LAMA2: variants seen among roughly 807,000 people sequenced by gnomAD.
LAMA2 encodes the protein laminin subunit alpha-2.
LAMA2 carries 269 observed loss-of-function variants against 364.8 expected under a neutral mutation model. The ratio of observed to expected loss-of-function variants is 0.74; its 90% CI spans 0.67 to 0.82. LAMA2 has a LOEUF of 0.82. Ranked by LOEUF, LAMA2 falls within the 40% of genes least tolerant of loss-of-function variation. The pLI, the probability that LAMA2 is intolerant of heterozygous loss-of-function variation, is 0.00. For missense variants in LAMA2, 3,807 were observed against 3,873.2 expected (o/e 0.98, Z 0.45); for synonymous variants, 1,379 against 1,370.6 (o/e 1.01, Z -0.14).
intron 3 of LAMA2, among the ~76,000 whole-genome samples, chr6:129,079,901 T>G (rs1040220750): frequency 6.6e-6 from 1 of 152,090 alleles, no homozygotes; most frequent in African/African-American, 2.4e-5. Context: ...CCTGAGAAAA[T>G]TATTATCTTT....
At position 129,312,950 on chromosome 6, in the gene LAMA2, A is replaced by C; in HGVS notation, c.3264A>C (p.Ala1088=). The change falls in exon 23 of 65, where the codon GCA becomes GCC. Residue 1088 remains alanine, a synonymous_variant. Transcript: ENST00000421865. ...QCNCHPKFSG[A]KCTECSRGHW... ...ACTGTCATCCAAAATTCTCTGGTGC[A>C]AAATGTACAGAGTGCAGTCGAGGTC... is the stretch of plus-strand genomic sequence containing the variant. The C allele has an allele frequency of 6.2e-7, 1 of 1,614,196 alleles. No homozygotes were observed. Among genetic ancestry groups the C allele is most frequent in the Non-Finnish European group, 8.5e-7 (1 of 1,179,998 alleles).
chr6:129,106,889 T>TATAC lies in LAMA2; in HGVS notation c.639+8475_639+8476insTACA, dbSNP rs1322580345. ...AAAAAAAAAAAAATATATATATATA[T>TATAC]ACAATGCCCAGAAAGTATCCACAAA... On this transcript the variant is annotated intron_variant, in intron 4 of 64. Transcript: ENST00000421865. Among the ~76,000 whole-genome samples, 1,447 of 149,278 alleles carry TATAC rather than the reference T, an allele frequency of 9.7e-3. 20 individuals carry two copies. The highest frequency in any genetic ancestry group is 0.034 in the African/African-American group (1,370 of 40,430).
intron 8 of LAMA2, among the ~76,000 whole-genome samples, chr6:129,162,206 T>C (rs1779479400): frequency 2.0e-5 from 3 of 152,296 alleles, no homozygotes; most frequent in South Asian, 4.1e-4. Flanking sequence ...CAGTGTGAGA[T>C]GGTAGTATTT....
intron 1 of LAMA2, among the ~76,000 whole-genome samples, chr6:128,927,373 T>C (rs1016467271): frequency 2.6e-5 from 4 of 152,218 alleles, no homozygotes; most frequent in African/African-American, 9.7e-5. Context: ...AAATACTGGT[T>C]TTGACCTATT....
At chr6:129,483,015 C>T (rs1487354289) in intron 55 of LAMA2, among the ~76,000 whole-genome samples, 2 of 148,000 alleles carry the variant, frequency 1.4e-5, no homozygotes, top group African/African-American at 2.5e-5. Context: ...TGCAGTGAGC[C>T]GAGATTGTGC....
At chr6:129,344,500 T>C (rs376215408) in intron 30 of LAMA2, among the ~76,000 whole-genome samples, 1 of 152,128 alleles carries the variant, frequency 6.6e-6, no homozygotes, top group Non-Finnish European at 1.5e-5. Context: ...TAGGTTCAGA[T>C]TGATAGAACA....
intron 4 of LAMA2, among the ~76,000 whole-genome samples, chr6:129,104,628 G>A (rs530487676): frequency 1.2e-4 from 19 of 152,248 alleles, no homozygotes; most frequent in African/African-American, 4.6e-4. Flanking sequence ...ACTGCCCTAT[G>A]TTCATATCAT....
At chr6:129,413,439 T>C (rs552298299) in intron 40 of LAMA2, among the ~76,000 whole-genome samples, 18 of 152,230 alleles carry the variant, frequency 1.2e-4, no homozygotes, top group African/African-American at 4.3e-4. Flanking sequence ...TTAATGGCCT[T>C]ATAGAACTCT....
At chr6:129,255,387 C>CA in intron 14 of LAMA2, among the ~76,000 whole-genome samples, 1 of 110,672 alleles carries the variant, frequency 9.0e-6, no homozygotes. Flanking sequence ...GCCTGGGTGA[C>CA]AGAGGGAGAC....
At chr6:129,132,838 TAG>T (rs1388768265) in intron 4 of LAMA2, among the ~76,000 whole-genome samples, 1 of 152,180 alleles carries the variant, frequency 6.6e-6, no homozygotes, top group Non-Finnish European at 1.5e-5. Context: ...CACTATAAGA[TAG>T]ATATTATTTT....
chr6:128,979,394 C>T (rs1399346498), intron 1 of LAMA2, among the ~76,000 whole-genome samples: 2 of 151,632 alleles, frequency 1.3e-5, no homozygotes, highest in African/African-American at 2.4e-5. Flanking sequence ...CATTGAAAAT[C>T]GGGTTAGGAA....
rs118147866 is a variant in LAMA2, at chr6:129,280,086, C to A, written c.2476C>A (p.Arg826=). The change falls in exon 18 of 65, where the codon CGG becomes AGG. Residue 826 remains arginine (R), a synonymous_variant. Coordinates refer to ENST00000421865, the MANE Select transcript of LAMA2 (RefSeq NM_000426.4). ...NNFSPTCHLD[R]SLGLICDGCP... ...CTTTAGCCCAACGTGCCATTTAGAC[C>A]GGAGTCTTGGATTGATCTGTGATGG... 1.9e-6 allele frequency: 3 copies of A among 1,613,242 alleles called. No individual in the cohort carries two copies. Among genetic ancestry groups the A allele is most frequent in the Non-Finnish European group, 2.5e-6 (3 of 1,179,380 alleles).
At chr6:129,348,742 C>T (rs953287842) in intron 30 of LAMA2, among the ~76,000 whole-genome samples, 7 of 151,928 alleles carry the variant, frequency 4.6e-5, no homozygotes, top group Admixed American at 2.6e-4. Flanking sequence ...ACTTTGTGTT[C>T]AAGGTAAAAT....
At chr6:128,992,422 GTTAAAGACATT>G (rs1783666122) in intron 1 of LAMA2, among the ~76,000 whole-genome samples, 1 of 152,224 alleles carries the variant, frequency 6.6e-6, no homozygotes, top group Non-Finnish European at 1.5e-5. Flanking sequence ...TTTTGCTGAA[GTTAAAGACATT>G]TGTTATTCTG....
chr6:129,226,247 C>T (rs955017205), intron 12 of LAMA2, among the ~76,000 whole-genome samples: 102 of 152,216 alleles, frequency 6.7e-4, no homozygotes, highest in African/African-American at 2.4e-3. Context: ...TGAGATGGGT[C>T]TCTTGAATAC....
At chr6:129,130,596 C>CT (rs1777411961) in intron 4 of LAMA2, among the ~76,000 whole-genome samples, 1 of 152,044 alleles carries the variant, frequency 6.6e-6, no homozygotes, top group Admixed American at 6.5e-5. Flanking sequence ...ACAAAGAAGC[C>CT]TGAGATAGGA....
chr6:129,421,610 C>T (rs1210187884), intron 40 of LAMA2, among the ~76,000 whole-genome samples: 1 of 152,108 alleles, frequency 6.6e-6, no homozygotes, highest in Non-Finnish European at 1.5e-5. Context: ...AAGGTTCTCT[C>T]CAAATTCCAG....
chr6:129,214,945 C>A (rs764666653), intron 12 of LAMA2, among the ~76,000 whole-genome samples: 1 of 152,072 alleles, frequency 6.6e-6, no homozygotes, highest in Non-Finnish European at 1.5e-5. Flanking sequence ...TCTTTGATTT[C>A]TTTCACTGGA....
intron 12 of LAMA2, among the ~76,000 whole-genome samples, chr6:129,223,823 T>C (rs1323132551): frequency 6.6e-6 from 1 of 152,156 alleles, no homozygotes; most frequent in Admixed American, 6.6e-5. Flanking sequence ...CTTGGGAATG[T>C]GGGCTCTTTT....
Sources: allele counts gnomAD v4.1 joint callset (sites outside exome capture counted in the v4.1 genomes callset), GRCh38; gene constraint gnomAD v4.1.1; transcripts MANE v1.5; gene names NCBI Gene and HGNC (gene_info 2026-07-23, HGNC 2026-07-21).